The following CYB561D2 variants were observed in gnomAD, a reference collection of about 807,000 sequenced individuals.
CYB561D2 encodes the protein transmembrane reductase CYB561D2.
A neutral mutation model predicts 20.2 loss-of-function variants in CYB561D2; 16 were observed. The ratio of observed to expected loss-of-function variants is 0.79; its 90% CI spans 0.53 to 1.20. The LOEUF (loss-of-function observed/expected upper bound fraction) is 1.20. CYB561D2 is among the 50% of genes most tolerant of loss of function. CYB561D2 has a pLI of 0.00. For synonymous variants in CYB561D2, 135 were observed against 128.3 expected (o/e 1.05, Z -0.35); for missense variants, 247 against 270.3 (o/e 0.91, Z 0.60).
Position 50,351,540 on chromosome 3 carries a change from T to C in CYB561D2, c.107T>C (p.Val36Ala), listed in dbSNP as rs1192820558. The C allele has an allele frequency of 1.9e-6, 3 of 1,613,194 alleles. No homozygotes were observed. In the South Asian group the frequency reaches 3.3e-5, roughly 18 times the overall value. ...VALGFTIFVA[V>A]LARPGSSLFS... is the part of the protein sequence containing the mutation. ...CTGGGCTTTACCATCTTTGTGGCTG[T>C]GCTTGCCAGGCCTGGCTCCAGTAAG... is the stretch of plus-strand genomic sequence containing the variant. The change falls in exon 2 of 4, where the codon GTG (valine) becomes GCG (alanine). Residue 36 changes from valine to alanine, a missense_variant. Physicochemically the swap from Val to Ala is moderately conservative, Grantham distance 64 (BLOSUM62 0). Coordinates refer to ENST00000425346, the MANE Select transcript of CYB561D2 (RefSeq NM_001291284.2).
chr3:50,352,258 C>T (rs587601246), intron 3 of CYB561D2, among the ~76,000 whole-genome samples: 4 of 152,180 alleles, frequency 2.6e-5, no homozygotes, highest in South Asian at 2.1e-4. Flanking sequence ...GCGGGCACAT[C>T]ACCTGAGGTC....
chr3:50,354,015 T>C lies in CYB561D2; in HGVS notation c.*271T>C. 2.5e-6 allele frequency: 1 copy of C among 392,668 alleles called. No individual in the cohort carries two copies. The highest frequency in any genetic ancestry group is 4.6e-6 in the Non-Finnish European group (1 of 218,374). The allele number at this position is 392,668 out of a possible 1,614,324, so 24.3% of individuals were successfully genotyped here. A position where few individuals can be genotyped will look rare whatever the true frequency, so the allele number is the denominator to read the frequency against. The stretch of plus-strand genomic sequence containing the variant: ...CCTCTCCTGCAAGGCAGCTCATACT[T>C]GTACTGTATGTTCAGAAATTTTAGG... On this transcript the variant is annotated 3_prime_UTR_variant, in exon 4 of 4. Transcript: ENST00000425346.
In CYB561D2 at chr3:50,351,409, G is replaced by A. The variant is rs587673812; in HGVS notation, c.-25G>A. The A allele has an allele frequency of 6.2e-7, 1 of 1,611,070 alleles. No individual in the cohort carries two copies. The highest frequency in any genetic ancestry group is 8.5e-7 in the Non-Finnish European group (1 of 1,178,154). ...CTGGCCCACGCTACTATGCTTTCAG[G>A]CTACAACCACTAGCACGGCTGACGA... On this transcript the variant is annotated splice_region_variant and 5_prime_UTR_variant, in exon 2 of 4. Transcript: ENST00000425346.
chr3:50,352,939 A>G (rs1703806171), intron 3 of CYB561D2, among the ~76,000 whole-genome samples: 1 of 152,198 alleles, frequency 6.6e-6, no homozygotes, highest in African/African-American at 2.4e-5. Flanking sequence ...CGTTAGGGAA[A>G]CAAAGCTTGT....
chr3:50,352,244 C>T (rs1461309992), intron 3 of CYB561D2, among the ~76,000 whole-genome samples, 198 bp downstream of exon 3: 1 of 151,976 alleles, frequency 6.6e-6, no homozygotes, highest in Non-Finnish European at 1.5e-5. Flanking sequence ...ACTTAGAGGC[C>T]GAGGCGGGCA....
chr3:50,353,547 TAC>T lies in CYB561D2; in HGVS notation c.473_474del (p.Tyr158SerfsTer13). On this transcript the variant is annotated frameshift_variant, in exon 4 of 4. Coordinates refer to ENST00000425346, the MANE Select transcript of CYB561D2 (RefSeq NM_001291284.2). LOFTEE classifies it high-confidence loss of function. ...PRWPLAKLKLYHATSGLVGYL... is the reference protein window; with the variant it reads ...PRWPLAKLKLXHATSGLVGYL... ...ATGGCCCCTGGCGAAGCTCAAGCTATACCATGCTACTTCTGGGCTGGTGGGCT... is the reference window on the plus strand; with the variant it reads ...ATGGCCCCTGGCGAAGCTCAAGCTATCATGCTACTTCTGGGCTGGTGGGCT... The T allele has an allele frequency of 7.4e-6, 12 of 1,613,770 alleles. No homozygotes were observed. Among genetic ancestry groups the T allele is most frequent in the Non-Finnish European group, 1.0e-5 (12 of 1,180,032 alleles).
intron 3 of CYB561D2, among the ~76,000 whole-genome samples, chr3:50,352,601 G>C (rs1336684762): frequency 1.3e-5 from 2 of 148,512 alleles, no homozygotes; most frequent in Non-Finnish European, 3.0e-5. Flanking sequence ...CAGGAGAATT[G>C]CTTGAACCCG....
Position 50,353,992 on chromosome 3 carries a change from T to C in CYB561D2, c.*248T>C. ...ATGAAGCTGGGGCTGCAAGACTGCC[T>C]CTCCTGCAAGGCAGCTCATACTTGT... On this transcript the variant is annotated 3_prime_UTR_variant, in exon 4 of 4. Coordinates refer to ENST00000425346, the MANE Select transcript of CYB561D2 (RefSeq NM_001291284.2). The C allele has an allele frequency of 1.9e-6, 1 of 516,072 alleles. No individual in the cohort carries two copies. The highest frequency in any genetic ancestry group is 3.5e-6 in the Non-Finnish European group (1 of 289,826). The allele number at this position is 516,072 out of a possible 1,614,324, so 32.0% of individuals were successfully genotyped here.
At position 50,351,515 on chromosome 3, in the gene CYB561D2, C is replaced by G; in HGVS notation, c.82C>G (p.Leu28Val). 2 of 1,612,010 alleles carry G rather than the reference C, an allele frequency of 1.2e-6. No individual in the cohort carries two copies. Among genetic ancestry groups the G allele is most frequent in the Non-Finnish European group, 1.7e-6 (2 of 1,179,134 alleles). ...ASGAAAHLVA[L>V]GFTIFVAVLA... is the part of the protein sequence containing the mutation. ...TGGCGCTGCCGCCCACCTTGTGGCC[C>G]TGGGCTTTACCATCTTTGTGGCTGT... is the stretch of plus-strand genomic sequence containing the variant. The change falls in exon 2 of 4, where the codon CTG (leucine) becomes GTG (valine). Residue 28 changes from leucine to valine, a missense_variant. By Grantham distance (32) the Leu-to-Val change is conservative. Transcript: ENST00000425346.
intron 3 of CYB561D2, among the ~76,000 whole-genome samples, chr3:50,352,727 T>C (rs925222200): frequency 1.4e-5 from 2 of 140,556 alleles, no homozygotes; most frequent in Non-Finnish European, 3.1e-5. Flanking sequence ...ATCAGAGTAA[T>C]GAAGACCCAG....
chr3:50,352,067 G>C (rs1243942988), intron 3 of CYB561D2, 21 bp downstream of exon 3: 1 of 1,613,834 alleles, frequency 6.2e-7, no homozygotes, highest in Admixed American at 1.7e-5. Flanking sequence ...GGCCTGGGCA[G>C]TTCTTAGGGG....
rs969206945 is a variant in CYB561D2 at position 50,352,035 on chromosome 3, A to T, written c.154A>T (p.Met52Leu). 3 of 1,613,620 alleles carry T rather than the reference A, an allele frequency of 1.9e-6. No homozygotes were observed. The African/African-American group carries it at 4.0e-5, about 22-fold the overall frequency. Residue 52 changes from methionine to leucine, a missense_variant, in exon 3 of 4, where the codon ATG (methionine) becomes TTG (leucine). By Grantham distance (15) the Met-to-Leu change is conservative. Transcript: ENST00000425346. ...CCTGTTCTCCTGGCACCCGGTGCTT[A>T]TGTCTTTGGCTGTAAGTAGTGGGCC... ...SSLFSWHPVLMSLAFSFLMTE... is the reference protein window; with the variant it reads ...SSLFSWHPVLLSLAFSFLMTE...
Position 50,353,752 on chromosome 3 carries a change from C to T in CYB561D2, c.*8C>T, listed in dbSNP as rs769201143. On this transcript the variant is annotated 3_prime_UTR_variant, in exon 4 of 4. Transcript: ENST00000425346. Reference sequence around the variant, plus strand: ...AAGAGGATCCAACCATGAGCTCTTCCCAGCCTAGGGGAAGCCTGGATTTGC... The same window carrying T: ...AAGAGGATCCAACCATGAGCTCTTCTCAGCCTAGGGGAAGCCTGGATTTGC... 6.3e-7 allele frequency: 1 copy of T among 1,581,512 alleles called. No individual in the cohort carries two copies. The highest frequency in any genetic ancestry group is 2.3e-5 in the East Asian group (1 of 44,354).
In CYB561D2 at chr3:50,350,908, G is replaced by T. The variant is rs1200996654; in HGVS notation, c.-102G>T. ...AGCGGCTCCGTGACGGAGCGGCGGT[G>T]CGCGCGGCAGGGCCCGGAGTATCCC... is the stretch of plus-strand genomic sequence containing the variant. On this transcript the variant is annotated 5_prime_UTR_variant, in exon 1 of 4. Coordinates refer to ENST00000425346, the MANE Select transcript of CYB561D2 (RefSeq NM_001291284.2). This position sits in a 1 kb window ranked among gnomAD's most constrained non-coding sequence, Gnocchi z 5.7. 71 of 1,395,494 alleles carry T rather than the reference G, an allele frequency of 5.1e-5. 1 individual carries two copies. The East Asian group carries it at 1.9e-3, about 37-fold the overall frequency. 86.4% of individuals were successfully genotyped at this position (1,395,494 alleles called of 1,614,324 possible).
chr3:50,353,602 TG>T lies in CYB561D2; in HGVS notation c.530del (p.Gly177AlafsTer31). On this transcript the variant is annotated frameshift_variant, in exon 4 of 4. Transcript: ENST00000425346. LOFTEE classifies it high-confidence loss of function. ...GYLLGSASLL[L>X]GMCSLWFTAS... is the part of the protein sequence containing the mutation. ...CTGCTGGGTAGTGCCAGCCTCTTGC[TG>T]GGCATGTGCTCACTCTGGTTCACTG... 1 of 1,613,808 alleles carries T rather than the reference TG, an allele frequency of 6.2e-7. No individual in the cohort carries two copies. The highest frequency in any genetic ancestry group is 8.5e-7 in the Non-Finnish European group (1 of 1,180,038).
intron 2 of CYB561D2, 96 bp from the exon 3 acceptor site, chr3:50,351,913 T>C: frequency 6.7e-7 from 1 of 1,482,066 alleles, no homozygotes; most frequent in Non-Finnish European, 9.4e-7. Flanking sequence ...AGCACCTCCT[T>C]GGGTGATGGG....
In CYB561D2 at chr3:50,351,508, T is replaced by C; in HGVS notation, c.75T>C (p.Leu25=). Residue 25 remains leucine (L), a synonymous_variant, in exon 2 of 4, where the codon CTT becomes CTC. Coordinates refer to ENST00000425346, the MANE Select transcript of CYB561D2 (RefSeq NM_001291284.2). ...LRTASGAAAH[L]VALGFTIFVA... is the part of the protein sequence containing the mutation. ...CTGCTTCTGGCGCTGCCGCCCACCTTGTGGCCCTGGGCTTTACCATCTTTG... is the reference window on the plus strand; with the variant it reads ...CTGCTTCTGGCGCTGCCGCCCACCTCGTGGCCCTGGGCTTTACCATCTTTG... 6.2e-7 allele frequency: 1 copy of C among 1,612,978 alleles called. No individual in the cohort carries two copies. The highest frequency in any genetic ancestry group is 2.2e-5 in the East Asian group (1 of 44,768).
At chr3:50,353,168 G>A in intron 3 of CYB561D2, 73 bp from the exon 4 acceptor site, 2 of 1,503,232 alleles carry the variant, frequency 1.3e-6, no homozygotes, top group African/African-American at 2.8e-5. Context: ...GGCAGCTAAG[G>A]GTTACATAAA....
At position 50,353,632 on chromosome 3, in the gene CYB561D2, CTG is replaced by C; in HGVS notation, c.559_560del (p.Val187HisfsTer64). The C allele has an allele frequency of 6.2e-7, 1 of 1,613,752 alleles. No individual in the cohort carries two copies. The highest frequency in any genetic ancestry group is 8.5e-7 in the Non-Finnish European group (1 of 1,180,022). ...ATGTGCTCACTCTGGTTCACTGCCT[CTG>C]TCACTGGTGCAGCCTGGTACCTGGC... On this transcript the variant is annotated frameshift_variant, in exon 4 of 4. Transcript: ENST00000425346. LOFTEE classifies it high-confidence loss of function.
Sources: gnomAD v4.1 joint callset for allele counts (sites outside exome capture counted in the v4.1 genomes callset) on GRCh38, gnomAD v4.1.1 for gene constraint, Gnocchi (gnomAD v3.1) non-coding constraint, MANE v1.5 for transcripts, NCBI Gene and HGNC (gene_info 2026-07-23, HGNC 2026-07-21) for gene names.